The following KATNBL1 variants were observed in gnomAD, a reference collection of about 807,000 sequenced individuals.
KATNBL1 encodes the protein katanin regulatory subunit B1 like 1.
A neutral mutation model predicts 44.7 loss-of-function variants in KATNBL1; 28 were observed. That is an observed-to-expected ratio of 0.63 (90% CI 0.46 to 0.86). The LOEUF is 0.86. KATNBL1 is among the 40% of genes least tolerant of loss of function. The pLI, the probability that KATNBL1 is intolerant of heterozygous loss-of-function variation, is 0.00. For synonymous variants in KATNBL1, 78 were observed against 114.9 expected (o/e 0.68, Z 2.06); for missense variants, 272 against 350.7 (o/e 0.78, Z 1.79).
chr15:34,152,819 A>T lies in KATNBL1; in HGVS notation c.409T>A (p.Ser137Thr). Residue 137 changes from serine to threonine, a missense_variant, in exon 4 of 10, where the codon TCA (serine) becomes ACA (threonine). By Grantham distance (58) the Ser-to-Thr change is moderately conservative (BLOSUM62 1). This residue lies in a region of KATNBL1 where 111 missense variants were observed against 149.3 expected (regional missense o/e 0.74). Coordinates refer to ENST00000256544, the MANE Select transcript of KATNBL1 (RefSeq NM_024713.3). ...DSGSSQTESP[S>T]SKYSGFFSEV... ...GAAAAAAACCCACTATATTTTGATG[A>T]TGGGCTTTCTGTCTGTGAAGAACCA... 1 of 1,613,072 alleles carries T rather than the reference A, an allele frequency of 6.2e-7. No homozygotes were observed. The highest frequency in any genetic ancestry group is 8.5e-7 in the Non-Finnish European group (1 of 1,179,448).
chr15:34,167,583 G>T (rs1257257710), intron 1 of KATNBL1, among the ~76,000 whole-genome samples: 1 of 152,102 alleles, frequency 6.6e-6, no homozygotes, highest in Non-Finnish European at 1.5e-5. Context: ...TCAAATTCAG[G>T]AAATACAGAG....
chr15:34,194,698 A>G (rs994512865), intron 1 of KATNBL1, among the ~76,000 whole-genome samples: 3 of 152,198 alleles, frequency 2.0e-5, no homozygotes, highest in Non-Finnish European at 4.4e-5. Context: ...TACAAACTAT[A>G]TATCTGACAG....
intron 1 of KATNBL1, among the ~76,000 whole-genome samples, chr15:34,196,722 C>T (rs112684229): frequency 0.11 from 16,757 of 152,072 alleles, 1,102 homozygotes; most frequent in Non-Finnish European, 0.15. Context: ...AACCAGACTC[C>T]GTCTCAAAAA....
At chr15:34,159,230 A>G (rs973154836) in intron 2 of KATNBL1, among the ~76,000 whole-genome samples, 2 of 152,154 alleles carry the variant, frequency 1.3e-5, no homozygotes, top group Admixed American at 1.3e-4. Context: ...AGGGTCAAGA[A>G]TTTTTGACAA....
chr15:34,154,919 G>A (rs564713222), intron 2 of KATNBL1: 19 of 513,926 alleles, frequency 3.7e-5, no homozygotes, highest in Middle Eastern at 5.4e-4. Context: ...GGGTTGGACC[G>A]CACAGTCTAA....
At chr15:34,171,242 A>G (rs940871305) in intron 1 of KATNBL1, among the ~76,000 whole-genome samples, 52 of 152,376 alleles carry the variant, frequency 3.4e-4, no homozygotes, top group African/African-American at 1.3e-3. Context: ...TTGTCAAGAA[A>G]AAAACAAACA....
At chr15:34,199,915 C>T (rs1181176946) in intron 1 of KATNBL1, 1 of 152,202 alleles carries the variant, frequency 6.6e-6, no homozygotes, top group Non-Finnish European at 1.5e-5. Context: ...AGGTGGCCAG[C>T]TTTTATTCCC....
intron 1 of KATNBL1, among the ~76,000 whole-genome samples, chr15:34,176,776 G>T (rs760512101): frequency 2.0e-5 from 3 of 152,154 alleles, no homozygotes; most frequent in Non-Finnish European, 4.4e-5. Flanking sequence ...AATCATAATT[G>T]TAATGGTAAA....
intron 6 of KATNBL1, 29 bp from the exon 7 acceptor site, chr15:34,147,318 T>C (rs1267433985): frequency 4.4e-6 from 7 of 1,592,552 alleles, no homozygotes; most frequent in Non-Finnish European, 6.0e-6. Flanking sequence ...TATAAAAATA[T>C]GGATGGGCCA....
At chr15:34,205,748 C>T (rs764855080) in intron 1 of KATNBL1, among the ~76,000 whole-genome samples, 4 of 152,164 alleles carry the variant, frequency 2.6e-5, no homozygotes, top group Non-Finnish European at 4.4e-5. Flanking sequence ...TTTCTTCACT[C>T]GTTCAACAAA....
At chr15:34,203,148 CCT>C (rs772707482) in intron 1 of KATNBL1, among the ~76,000 whole-genome samples, 7 of 152,188 alleles carry the variant, frequency 4.6e-5, no homozygotes, top group South Asian at 2.1e-4. Context: ...TAATATCCCC[CCT>C]CTCAAATCTG....
At position 34,191,747 on chromosome 15, in the gene KATNBL1, A is replaced by T. The variant is rs542571110; in HGVS notation, c.-15+18204T>A. On this transcript the variant is annotated intron_variant, in intron 1 of 9. Transcript: ENST00000256544. ...CGGATCACGAGGTCAGGAGATCAAG[A>T]CCATCCTGGCTAACACGGTGAAACC... 4.5e-3 allele frequency among the ~76,000 whole-genome samples: 681 copies of T among 151,934 alleles called. 3 individuals carry two copies. The highest frequency in any genetic ancestry group is 5.3e-3 in the Non-Finnish European group (362 of 67,938).
chr15:34,145,290 T>C (rs1888274183), intron 9 of KATNBL1, 108 bp downstream of exon 9: 4 of 1,414,914 alleles, frequency 2.8e-6, no homozygotes, highest in Admixed American at 2.1e-5. Flanking sequence ...CTTTAGACAT[T>C]AGAACAGTAC....
intron 1 of KATNBL1, among the ~76,000 whole-genome samples, chr15:34,194,161 C>T (rs901419497): frequency 1.1e-4 from 17 of 152,200 alleles, no homozygotes; most frequent in African/African-American, 3.6e-4. Flanking sequence ...AGGCTGGTCT[C>T]GAACTCCTGT....
At chr15:34,202,626 G>C (rs1474287017) in intron 1 of KATNBL1, among the ~76,000 whole-genome samples, 1 of 152,086 alleles carries the variant, frequency 6.6e-6, no homozygotes, top group Non-Finnish European at 1.5e-5. Context: ...TCACTTGCAG[G>C]CTCAAGAAAA....
intron 4 of KATNBL1, among the ~76,000 whole-genome samples, chr15:34,151,793 CA>C (rs763154901): frequency 2.6e-5 from 4 of 152,090 alleles, no homozygotes; most frequent in Non-Finnish European, 4.4e-5. Context: ...ATATTTCTAT[CA>C]CTCTCAAAAA....
At chr15:34,159,805 T>C (rs1888743653) in intron 2 of KATNBL1, among the ~76,000 whole-genome samples, 1 of 152,196 alleles carries the variant, frequency 6.6e-6, no homozygotes, top group African/African-American at 2.4e-5. Context: ...AATTAATAAA[T>C]TTGATACTAG....
chr15:34,149,464 C>T (rs150288313), intron 4 of KATNBL1, among the ~76,000 whole-genome samples: 1 of 151,584 alleles, frequency 6.6e-6, no homozygotes, highest in Non-Finnish European at 1.5e-5. Flanking sequence ...TGCTCTGTTG[C>T]CTAGGCTGGA....
intron 1 of KATNBL1, among the ~76,000 whole-genome samples, chr15:34,183,809 A>C (rs1889633606): frequency 6.6e-6 from 1 of 152,238 alleles, no homozygotes. Flanking sequence ...ATTTATGAGA[A>C]GAGGGCAAAA....
Sources: allele counts gnomAD v4.1 joint callset (sites outside exome capture counted in the v4.1 genomes callset), GRCh38; gene constraint gnomAD v4.1.1; regional missense constraint gnomAD v4.1.1; transcripts MANE v1.5; gene names NCBI Gene and HGNC (gene_info 2026-07-23, HGNC 2026-07-21).